The following SH3PXD2A variants were observed in gnomAD, a reference collection of about 807,000 sequenced individuals.
SH3PXD2A encodes the protein SH3 and PX domains 2A, also known as SH3 and PX domain-containing protein 2A.
A neutral mutation model predicts 115.2 loss-of-function variants in SH3PXD2A; 32 were observed. The observed-to-expected ratio is 0.28, with a 90% CI of 0.21 to 0.37. The LOEUF is 0.37. Among genes scored for constraint, SH3PXD2A ranks in the 10% least tolerant of loss-of-function variants. SH3PXD2A has a pLI of 1.00. For missense variants in SH3PXD2A, 1,328 were observed against 1,498.7 expected, an observed-to-expected ratio of 0.89 and a Z score of 1.88; for synonymous variants, 610 against 629.1, an observed-to-expected ratio of 0.97 and a Z score of 0.45.
At chr10:103,720,240 A>G (rs549879819) in intron 5 of SH3PXD2A, among the ~76,000 whole-genome samples, 1 of 152,340 alleles carries the variant, frequency 6.6e-6, no homozygotes, top group African/African-American at 2.4e-5. Context: ...TAAGGGCGCA[A>G]ATCCCATTAT....
intron 1 of SH3PXD2A, among the ~76,000 whole-genome samples, chr10:103,841,195 A>G (rs926977447): frequency 1.3e-5 from 2 of 152,328 alleles, no homozygotes; most frequent in South Asian, 2.1e-4. Context: ...ACACTGATCC[A>G]GGACGCACCA....
chr10:103,716,559 G>GATA (rs2038107245), intron 5 of SH3PXD2A, among the ~76,000 whole-genome samples: 1 of 152,226 alleles, frequency 6.6e-6, no homozygotes, highest in Non-Finnish European at 1.5e-5. Context: ...AAGCCGAAGG[G>GATA]ATAAGCCCAG....
rs2036200695 is a variant in SH3PXD2A at position 103,600,542 on chromosome 10, AG to A, written c.*1273del. 6.6e-6 allele frequency: 1 copy of A among 152,360 alleles called. No homozygotes were observed. Among genetic ancestry groups the A allele is most frequent in the East Asian group, 1.9e-4 (1 of 5,172 alleles). The allele number at this position is 152,360 out of a possible 1,614,324, so 9.4% of individuals were successfully genotyped here. ...TCCATGCTTCATACGTAAGGCTTCC[AG>A]CCCTGCCCAGCTGGGGAACACACGC... On this transcript the variant is annotated 3_prime_UTR_variant, in exon 15 of 15. Transcript: ENST00000369774.
intron 8 of SH3PXD2A, among the ~76,000 whole-genome samples, chr10:103,630,235 G>A (rs1402309626): frequency 2.6e-5 from 4 of 152,200 alleles, no homozygotes; most frequent in Admixed American, 2.0e-4. Flanking sequence ...GCTCTGCCTG[G>A]GATGTTTTTC....
chr10:103,614,624 T>C (rs1364408971), intron 11 of SH3PXD2A, among the ~76,000 whole-genome samples: 1 of 152,168 alleles, frequency 6.6e-6, no homozygotes, highest in African/African-American at 2.4e-5. Flanking sequence ...CCCAAACCCA[T>C]GGGGACTTCA....
intron 1 of SH3PXD2A, among the ~76,000 whole-genome samples, chr10:103,841,527 G>C (rs1034286990): frequency 1.3e-5 from 2 of 152,086 alleles, no homozygotes; most frequent in Non-Finnish European, 2.9e-5. Flanking sequence ...GCAGTGTTTT[G>C]GCCAGTTTCA....
At chr10:103,822,347 G>A (rs1018112382) in intron 1 of SH3PXD2A, among the ~76,000 whole-genome samples, 1 of 152,244 alleles carries the variant, frequency 6.6e-6, no homozygotes, top group Non-Finnish European at 1.5e-5. Flanking sequence ...AGCAAAGACA[G>A]GGTGCTTCCT....
At chr10:103,640,620 C>T (rs1247507051) in intron 8 of SH3PXD2A, among the ~76,000 whole-genome samples, 1 of 152,144 alleles carries the variant, frequency 6.6e-6, no homozygotes, top group Non-Finnish European at 1.5e-5. Context: ...GAGCAACACC[C>T]AAGGACACAA....
chr10:103,708,580 C>T (rs1464997628), intron 5 of SH3PXD2A, among the ~76,000 whole-genome samples: 11 of 152,212 alleles, frequency 7.2e-5, no homozygotes, highest in African/African-American at 2.7e-4. Flanking sequence ...CAGCCAGGTG[C>T]CAGTCCCTGC....
chr10:103,605,652 G>A, intron 14 of SH3PXD2A, 146 bp downstream of exon 14: 1 of 964,692 alleles, frequency 1.0e-6, no homozygotes, highest in East Asian at 2.4e-5. Context: ...GCGCCAGGCA[G>A]ATGCTCATCT....
chr10:103,696,258 C>T (rs2037823048), intron 5 of SH3PXD2A, among the ~76,000 whole-genome samples: 1 of 152,184 alleles, frequency 6.6e-6, no homozygotes, highest in Non-Finnish European at 1.5e-5. Context: ...TGGAAGTTTC[C>T]AGTTGGGCAT....
At chr10:103,819,689 A>C (rs2039358136) in intron 1 of SH3PXD2A, among the ~76,000 whole-genome samples, 1 of 152,026 alleles carries the variant, frequency 6.6e-6, no homozygotes, top group South Asian at 2.1e-4. Flanking sequence ...TGTCGGGGAG[A>C]TCTAAGGGCT....
chr10:103,701,145 TATCCATCCATCCATCC>T (rs376498733), intron 5 of SH3PXD2A, among the ~76,000 whole-genome samples: 1 of 55,354 alleles, frequency 1.8e-5, no homozygotes, highest in Non-Finnish European at 3.5e-5. Context: ...ATCCATCCAC[TATCCATCCATCCATCC>T]ATCCATCCAT....
At chr10:103,798,028 G>A (rs954537812) in intron 2 of SH3PXD2A, among the ~76,000 whole-genome samples, 6 of 152,142 alleles carry the variant, frequency 3.9e-5, no homozygotes, top group East Asian at 3.9e-4. Flanking sequence ...CGTGGTTCCC[G>A]GGCTGTGTGA....
chr10:103,838,270 G>C (rs1482375338), intron 1 of SH3PXD2A, among the ~76,000 whole-genome samples: 3 of 152,218 alleles, frequency 2.0e-5, no homozygotes, highest in Non-Finnish European at 4.4e-5. Flanking sequence ...CCTGCGGTGT[G>C]GGTGCAAATC....
intron 5 of SH3PXD2A, among the ~76,000 whole-genome samples, chr10:103,707,443 C>T (rs2037995167): frequency 6.6e-6 from 1 of 152,162 alleles, no homozygotes; most frequent in African/African-American, 2.4e-5. Flanking sequence ...GATCTGCCTG[C>T]CTCAGCCTCC....
intron 2 of SH3PXD2A, among the ~76,000 whole-genome samples, chr10:103,782,661 G>C (rs1236105991): frequency 6.6e-6 from 1 of 151,934 alleles, no homozygotes; most frequent in Non-Finnish European, 1.5e-5. Flanking sequence ...ACATTCTGGG[G>C]AGAAGGGGAG....
intron 9 of SH3PXD2A, among the ~76,000 whole-genome samples, chr10:103,624,814 C>T (rs547038813): frequency 3.9e-5 from 6 of 152,190 alleles, no homozygotes; most frequent in East Asian, 1.9e-4. Flanking sequence ...GAGAGACTAG[C>T]GGACACACCA....
chr10:103,823,408 C>T (rs2224507), intron 1 of SH3PXD2A, among the ~76,000 whole-genome samples: 8,632 of 152,256 alleles, frequency 0.057, 762 homozygotes, highest in East Asian at 0.46. Flanking sequence ...TAACCACTGC[C>T]CTTACAGGGT....
Sources: allele counts gnomAD v4.1 joint callset (sites outside exome capture counted in the v4.1 genomes callset), GRCh38; gene constraint gnomAD v4.1.1; transcripts MANE v1.5; gene names NCBI Gene and HGNC (gene_info 2026-07-23, HGNC 2026-07-21).